Variants in KCNQ1 observed in about 807,000 individuals in gnomAD.
KCNQ1 encodes the protein potassium voltage-gated channel subfamily KQT member 1.
Under a neutral mutation model 72.4 loss-of-function variants are expected in KCNQ1, and 49 were observed. The ratio of observed to expected loss-of-function variants is 0.68; its 90% confidence interval spans 0.54 to 0.86. The LOEUF (loss-of-function observed/expected upper bound fraction) is 0.86. KCNQ1 is among the 40% of genes least tolerant of loss of function. The pLI is 0.00. For missense variants in KCNQ1, 790 were observed against 945.1 expected (o/e 0.84, Z 2.15); for synonymous variants, 450 against 412.6 (o/e 1.09, Z -1.10).
intron 10 of KCNQ1, chr11:2,610,872 G>A (rs772173401): frequency 2.0e-4 from 81 of 398,026 alleles, no homozygotes; most frequent in Non-Finnish European, 3.3e-4. Context: ...GTGCCACATA[G>A]CCTCACCTCC....
chr11:2,555,600 G>T (rs1056107647), intron 2 of KCNQ1, among the ~76,000 whole-genome samples: 72 of 152,372 alleles, frequency 4.7e-4, no homozygotes, highest in African/African-American at 1.6e-3. Context: ...GGGGCCCTGG[G>T]TATGATTCCT....
rs1023965766 is a variant in KCNQ1, at chr11:2,482,341, A to G, written c.386+36857A>G. On this transcript the variant is annotated intron_variant, in intron 1 of 15. Transcript: ENST00000155840. The surrounding 1 kb of genome is among the most constrained non-coding windows in gnomAD (Gnocchi z 5.7). ...ATGTCTCACATCTGTTCTTCCTCCAAATGTGACCTTTCAATGGCTGCCTGG... is the reference window on the plus strand; with the variant it reads ...ATGTCTCACATCTGTTCTTCCTCCAGATGTGACCTTTCAATGGCTGCCTGG... Among the ~76,000 whole-genome samples the G allele has an allele frequency of 2.0e-5, 3 of 152,082 alleles. No individual in the cohort carries two copies. Among genetic ancestry groups the G allele is most frequent in the African/African-American group, 4.8e-5 (2 of 41,404 alleles).
intron 2 of KCNQ1, among the ~76,000 whole-genome samples, chr11:2,553,357 G>T (rs1016235340): frequency 1.1e-4 from 16 of 152,152 alleles, no homozygotes; most frequent in Admixed American, 1.0e-3. Flanking sequence ...CTAAGGTGAA[G>T]TGAGGTAATC....
At chr11:2,761,973 G>A (rs747800546) in intron 11 of KCNQ1, among the ~76,000 whole-genome samples, 1 of 152,256 alleles carries the variant, frequency 6.6e-6, no homozygotes, top group Non-Finnish European at 1.5e-5. Flanking sequence ...GGAGCCCCGA[G>A]TGTTCTCACT....
At position 2,642,672 on chromosome 11, in the gene KCNQ1, A is replaced by G. The variant is rs1366979433; in HGVS notation, c.1394-19289A>G. On this transcript the variant is annotated intron_variant, in intron 10 of 15. Transcript: ENST00000155840. The surrounding 1 kb of genome is among the most constrained non-coding windows in gnomAD (Gnocchi z 4.3). The stretch of plus-strand genomic sequence containing the variant: ...TAGTTTCTTGTTTAGTTCTGCTCTG[A>G]TCTTCGTTATTTCTTTCCTTCTACT... 2.5e-6 allele frequency: 1 copy of G among 397,406 alleles called. No individual in the cohort carries two copies. The highest frequency in any genetic ancestry group is 2.1e-5 in the African/African-American group (1 of 48,482). The allele number at this position is 397,406 out of a possible 1,614,324, so 24.6% of individuals were successfully genotyped here.
At position 2,501,678 on chromosome 11, in the gene KCNQ1, G is replaced by A. The variant is rs1264280693; in HGVS notation, c.387-26250G>A. ...GAATACCTCCAAACTCATCTACAAG[G>A]CCCGTATTACCCTGTTACCAAAACC... On this transcript the variant is annotated intron_variant, in intron 1 of 15. Coordinates refer to ENST00000155840, the MANE Select transcript of KCNQ1 (RefSeq NM_000218.3). Among the ~76,000 whole-genome samples, 5 of 128,662 alleles carry A rather than the reference G, an allele frequency of 3.9e-5. No homozygotes were observed. The Admixed American group carries it at 4.7e-4, about 12-fold the overall frequency. 84.4% of individuals were successfully genotyped at this position (128,662 alleles called of 152,430 possible).
intron 1 of KCNQ1, among the ~76,000 whole-genome samples, chr11:2,502,586 A>T (rs1036648942): frequency 6.6e-6 from 1 of 152,358 alleles, no homozygotes; most frequent in South Asian, 2.1e-4. Context: ...GGAAGAATCA[A>T]TATTGTTAAA....
chr11:2,652,410 G>A lies in KCNQ1; in HGVS notation c.1394-9551G>A. ...ATTAAAAACATTTTTTTCTTCCTGT[G>A]TAATTTTGTCTTGAAAATCAAGGCC... On this transcript the variant is annotated intron_variant, in intron 10 of 15. Coordinates refer to ENST00000155840, the MANE Select transcript of KCNQ1 (RefSeq NM_000218.3). The surrounding 1 kb of genome is among the most constrained non-coding windows in gnomAD (Gnocchi z 5.9). 1 of 398,544 alleles carries A rather than the reference G, an allele frequency of 2.5e-6. No homozygotes were observed. Among genetic ancestry groups the A allele is most frequent in the Non-Finnish European group, 4.4e-6 (1 of 226,062 alleles). The allele number at this position is 398,544 out of a possible 1,614,324, so 24.7% of individuals were successfully genotyped here.
intron 11 of KCNQ1, among the ~76,000 whole-genome samples, chr11:2,733,825 C>T (rs1294713801): frequency 3.2e-5 from 1 of 31,158 alleles, no homozygotes; most frequent in Non-Finnish European, 6.9e-5. Context: ...CTCTCTCACT[C>T]TCTCTCTCTC....
chr11:2,615,819 G>C, intron 10 of KCNQ1: 1 of 397,974 alleles, frequency 2.5e-6, no homozygotes, highest in East Asian at 3.6e-5. Flanking sequence ...TTAGTATCTA[G>C]TTTGTCTTTT....
At chr11:2,577,320 G>A (rs1353324050) in intron 6 of KCNQ1, among the ~76,000 whole-genome samples, 2 of 152,202 alleles carry the variant, frequency 1.3e-5, no homozygotes, top group South Asian at 2.1e-4. Flanking sequence ...AAGCACCGCC[G>A]GAGTGTCCCT....
chr11:2,779,984 T>C (rs1259374190), intron 15 of KCNQ1, among the ~76,000 whole-genome samples: 1 of 152,246 alleles, frequency 6.6e-6, no homozygotes, highest in African/African-American at 2.4e-5. Flanking sequence ...CCTGTCAGGC[T>C]CTGAGCCGGG....
At chr11:2,454,566 G>T (rs567010566) in intron 1 of KCNQ1, among the ~76,000 whole-genome samples, 1 of 152,292 alleles carries the variant, frequency 6.6e-6, no homozygotes, top group East Asian at 1.9e-4. Context: ...TTCTAAGAGT[G>T]CTGCATGGGA....
chr11:2,487,026 T>A (rs1846750980), intron 1 of KCNQ1, among the ~76,000 whole-genome samples: 1 of 152,258 alleles, frequency 6.6e-6, no homozygotes, highest in South Asian at 2.1e-4. Context: ...ATTTAGATAT[T>A]TGATCCATTT....
chr11:2,698,209 G>C lies in KCNQ1; in HGVS notation c.1514+36128G>C. ...GGGCACCACAGTAAAGAAAGAACTG[G>C]TAAATGCACATCAAATGTGGATATT... On this transcript the variant is annotated intron_variant, in intron 11 of 15. Coordinates refer to ENST00000155840, the MANE Select transcript of KCNQ1 (RefSeq NM_000218.3). This position sits in a 1 kb window ranked among gnomAD's most constrained non-coding sequence, Gnocchi z 5.1. 1 of 398,592 alleles carries C rather than the reference G, an allele frequency of 2.5e-6. No individual in the cohort carries two copies. The highest frequency in any genetic ancestry group is 1.3e-4 in the South Asian group (1 of 7,858). 24.7% of individuals were successfully genotyped at this position (398,592 alleles called of 1,614,324 possible).
At position 2,675,538 on chromosome 11, in the gene KCNQ1, C is replaced by G. The variant is rs145403405; in HGVS notation, c.1514+13457C>G. ...CATACACATTTCTTCCAGAATCACT[C>G]CACTGGAAATTCTGTAATAAGACAT... is the stretch of plus-strand genomic sequence containing the variant. On this transcript the variant is annotated intron_variant, in intron 11 of 15. Coordinates refer to ENST00000155840, the MANE Select transcript of KCNQ1 (RefSeq NM_000218.3). 62 of 398,658 alleles carry G rather than the reference C, an allele frequency of 1.6e-4. No individual in the cohort carries two copies. The East Asian group carries it at 2.2e-3, about 14-fold the overall frequency. The allele number at this position is 398,658 out of a possible 1,614,324, so 24.7% of individuals were successfully genotyped here. A position where few individuals can be genotyped will look rare whatever the true frequency, so the allele number is the denominator to read the frequency against.
chr11:2,445,700 C>A (rs577953604), intron 1 of KCNQ1, among the ~76,000 whole-genome samples: 17 of 152,264 alleles, frequency 1.1e-4, no homozygotes, highest in African/African-American at 4.1e-4. Flanking sequence ...GCAGGCCCGG[C>A]GTGGGGAGGG....
chr11:2,634,179 T>G, intron 10 of KCNQ1: 1 of 397,826 alleles, frequency 2.5e-6, no homozygotes, highest in Middle Eastern at 6.3e-4. Context: ...TCTCCCTTTT[T>G]TTTATTATAC....
rs1455175279 is a variant in KCNQ1, at chr11:2,661,376, T to C, written c.1394-585T>C. ...GTTGCAGAGGTGGGCCCAGGAATCA[T>C]AATGTGAAGCCAGCTGTTGGAGGGA... On this transcript the variant is annotated intron_variant, in intron 10 of 15. Transcript: ENST00000155840. The surrounding 1 kb of genome is among the most constrained non-coding windows in gnomAD (Gnocchi z 5.9). 7 of 407,982 alleles carry C rather than the reference T, an allele frequency of 1.7e-5. No homozygotes were observed. The highest frequency in any genetic ancestry group is 3.0e-5 in the Non-Finnish European group (7 of 231,136). 25.3% of individuals were successfully genotyped at this position (407,982 alleles called of 1,614,324 possible). A position where few individuals can be genotyped will look rare whatever the true frequency, so the allele number is the denominator to read the frequency against.
Sources: allele counts gnomAD v4.1 joint callset (sites outside exome capture counted in the v4.1 genomes callset), GRCh38; gene constraint gnomAD v4.1.1; non-coding constraint Gnocchi (gnomAD v3.1); transcripts MANE v1.5; gene names NCBI Gene and HGNC (gene_info 2026-07-23, HGNC 2026-07-21).